Variants in PLA2G2F observed in about 807,000 individuals in gnomAD.
The protein encoded by PLA2G2F is phospholipase A2 group IIF.
In PLA2G2F, 17 loss-of-function variants were observed where a neutral mutation model predicts 15.9. The ratio of observed to expected loss-of-function variants is 1.07; its 90% CI spans 0.73 to 1.60. The LOEUF is 1.60. Among genes scored for constraint, PLA2G2F ranks in the 40% most tolerant of loss-of-function variants. The pLI, the probability that PLA2G2F is intolerant of heterozygous loss-of-function variation, is 0.00. For missense variants in PLA2G2F, 299 were observed against 278.2 expected (o/e 1.07, Z -0.53); for synonymous variants, 119 against 106.5 (o/e 1.12, Z -0.72).
chr1:20,144,769 G>C (rs1233879601), intron 4 of PLA2G2F, 80 bp downstream of exon 4: 3 of 1,258,648 alleles, frequency 2.4e-6, no homozygotes, highest in Middle Eastern at 1.9e-4. Context: ...TGGTGGACAG[G>C]CTTGCCAGAT....
At chr1:20,143,206 C>T (rs977771846) in intron 2 of PLA2G2F, 6 of 487,472 alleles carry the variant, frequency 1.2e-5, no homozygotes, top group Non-Finnish European at 7.3e-6. Context: ...GGATGACCTG[C>T]GTTGTTTTCT....
chr1:20,147,145 C>T (rs895057674), intron 4 of PLA2G2F, among the ~76,000 whole-genome samples: 1 of 152,074 alleles, frequency 6.6e-6, no homozygotes, highest in Non-Finnish European at 1.5e-5. Flanking sequence ...AAGGGTAGCC[C>T]CTGAACCAGC....
At position 20,148,563 on chromosome 1, in the gene PLA2G2F, C is replaced by A. The variant is rs984454568; in HGVS notation, c.*162C>A. 46 of 632,310 alleles carry A rather than the reference C, an allele frequency of 7.3e-5. No homozygotes were observed. Among genetic ancestry groups the A allele is most frequent in the Non-Finnish European group, 8.2e-6 (3 of 365,080 alleles). 39.2% of individuals were successfully genotyped at this position (632,310 alleles called of 1,614,324 possible). A position where few individuals can be genotyped will look rare whatever the true frequency, so the allele number is the denominator to read the frequency against. On this transcript the variant is annotated 3_prime_UTR_variant, in exon 5 of 5. Transcript: ENST00000375102. Reference sequence around the variant, plus strand: ...CAGCTCTCAGAGGACTCAGGAAGGCCTGGGTCCTGACTCCCCCAGCCCAGC... The same window carrying A: ...CAGCTCTCAGAGGACTCAGGAAGGCATGGGTCCTGACTCCCCCAGCCCAGC...
chr1:20,140,312 C>T, intron 2 of PLA2G2F, 94 bp downstream of exon 2: 1 of 1,352,810 alleles, frequency 7.4e-7, no homozygotes, highest in African/African-American at 1.4e-5. Context: ...CACTGACCAG[C>T]CTAGGTTCCT....
intron 3 of PLA2G2F, among the ~76,000 whole-genome samples, 170 bp from the exon 4 acceptor site, chr1:20,144,410 C>T (rs923826909): frequency 2.0e-5 from 3 of 152,174 alleles, no homozygotes; most frequent in Non-Finnish European, 4.4e-5. Flanking sequence ...CCTGGGGTGC[C>T]GGCCCCAGCT....
At chr1:20,146,424 G>A (rs139447158) in intron 4 of PLA2G2F, among the ~76,000 whole-genome samples, 1,591 of 152,312 alleles carry the variant, frequency 0.01, 27 homozygotes, top group African/African-American at 0.036. Context: ...CTGGCCTGGC[G>A]GGTTCCTTCA....
intron 3 of PLA2G2F, 61 bp downstream of exon 3, chr1:20,143,651 T>A: frequency 1.9e-6 from 3 of 1,581,608 alleles, no homozygotes; most frequent in Non-Finnish European, 2.6e-6. Context: ...AAGGTCAGAC[T>A]GACCTTGCCC....
At chr1:20,145,056 GGAGACAGAGTGAGA>G (rs2017560016) in intron 4 of PLA2G2F, among the ~76,000 whole-genome samples, 2 of 151,926 alleles carry the variant, frequency 1.3e-5, no homozygotes, top group Admixed American at 1.3e-4. Context: ...TTCCAGCCTG[GGAGACAGAGTGAGA>G]CTCTGTCTCG....
Position 20,143,568 on chromosome 1 carries a change from C to T in PLA2G2F, c.292C>T (p.Gln98Ter), listed in dbSNP as rs1251196028. ...CTACTGTGGGCTGGGGGGCCGTGGC[C>T]AGCCCAAGGATGAGGTGGACTGGTA... ...GCYCGLGGRGQPKDEVDWCCH... is the reference protein window; with the variant it reads ...GCYCGLGGRG The change falls in exon 3 of 5, where the codon CAG (glutamine) becomes TAG (stop). Residue 98 changes from glutamine (Q) to a stop codon, truncating the protein, a stop_gained. Coordinates refer to ENST00000375102, the MANE Select transcript of PLA2G2F (RefSeq NM_022819.4). LOFTEE classifies it high-confidence loss of function. The T allele has an allele frequency of 1.2e-6, 2 of 1,613,940 alleles. No individual in the cohort carries two copies. Among genetic ancestry groups the T allele is most frequent in the East Asian group, 2.2e-5 (1 of 44,864 alleles).
chr1:20,142,276 G>A (rs1028837982), intron 2 of PLA2G2F: 1 of 152,434 alleles, frequency 6.6e-6, no homozygotes, highest in Admixed American at 6.5e-5. Context: ...TAGCTTCCCA[G>A]CTCCGCAGTA....
At chr1:20,147,612 C>T (rs2017639242) in intron 4 of PLA2G2F, among the ~76,000 whole-genome samples, 2 of 152,124 alleles carry the variant, frequency 1.3e-5, no homozygotes, top group Admixed American at 1.3e-4. Flanking sequence ...CCACGCCTGG[C>T]TAATTTTTTG....
chr1:20,142,675 C>A (rs1348773710), intron 2 of PLA2G2F: 2 of 152,204 alleles, frequency 1.3e-5, no homozygotes, highest in Non-Finnish European at 2.9e-5. Flanking sequence ...TGTGGGGAGA[C>A]TGTTTTCCTT....
intron 2 of PLA2G2F, 157 bp downstream of exon 2, chr1:20,140,375 T>G: frequency 1.3e-6 from 1 of 749,916 alleles, no homozygotes; most frequent in South Asian, 1.9e-5. Flanking sequence ...TGCACCCAAT[T>G]CTGGGGCTGT....
chr1:20,142,192 C>T (rs1200687721), intron 2 of PLA2G2F: 1 of 152,444 alleles, frequency 6.6e-6, no homozygotes, highest in East Asian at 1.9e-4. Flanking sequence ...CTGAGCTAGG[C>T]CCCTCACGCT....
Position 20,149,591 on chromosome 1 carries a change from A to G in PLA2G2F, c.*1190A>G, listed in dbSNP as rs2100699320. On this transcript the variant is annotated 3_prime_UTR_variant, in exon 5 of 5. Coordinates refer to ENST00000375102, the MANE Select transcript of PLA2G2F (RefSeq NM_022819.4). The stretch of plus-strand genomic sequence containing the variant: ...TGGAAGCTTCTAGAAGGCAGTAAGG[A>G]ACAGGGTGGTGAAGGAGAGGGGAGA... 1 of 152,826 alleles carries G rather than the reference A, an allele frequency of 6.5e-6. No individual in the cohort carries two copies. The highest frequency in any genetic ancestry group is 3.3e-3 in the Middle Eastern group (1 of 300). 9.5% of individuals were successfully genotyped at this position (152,826 alleles called of 1,614,324 possible). A position where few individuals can be genotyped will look rare whatever the true frequency, so the allele number is the denominator to read the frequency against.
chr1:20,143,177 T>C (rs2017510631), intron 2 of PLA2G2F: 2 of 418,320 alleles, frequency 4.8e-6, no homozygotes, highest in South Asian at 4.0e-5. Context: ...GTACCTGGCA[T>C]GGAGCAAGTC....
intron 4 of PLA2G2F, among the ~76,000 whole-genome samples, chr1:20,146,486 G>T (rs1047315108): frequency 6.6e-6 from 1 of 152,144 alleles, no homozygotes; most frequent in Admixed American, 6.5e-5. Context: ...GTAGGTAAGC[G>T]CAAGTGGCAT....
chr1:20,139,394 A>G lies in PLA2G2F; in HGVS notation c.-34A>G, dbSNP rs762313073. On this transcript the variant is annotated 5_prime_UTR_variant, in exon 1 of 5. Coordinates refer to ENST00000375102, the MANE Select transcript of PLA2G2F (RefSeq NM_022819.4). ...TCTGGAGCGCATCTCAGACCTTCTG[A>G]GACCTATGTTGCTGGCCCCCCAGAA... 2 of 1,503,744 alleles carry G rather than the reference A, an allele frequency of 1.3e-6. No homozygotes were observed. The highest frequency in any genetic ancestry group is 1.8e-6 in the Non-Finnish European group (2 of 1,103,526). The allele number at this position is 1,503,744 out of a possible 1,614,324, so 93.2% of individuals were successfully genotyped here. A position where few individuals can be genotyped will look rare whatever the true frequency, so the allele number is the denominator to read the frequency against.
In PLA2G2F at chr1:20,148,210, T is replaced by C. The variant is rs769152426; in HGVS notation, c.445T>C (p.Cys149Arg). The change falls in exon 5 of 5, where the codon TGT becomes CGT. Residue 149 changes from cysteine (C) to arginine (R), a missense_variant. By Grantham distance (180) the Cys-to-Arg change is radical. Coordinates refer to ENST00000375102, the MANE Select transcript of PLA2G2F (RefSeq NM_022819.4). ...IVCSDLNKTE[C>R]DKQTCMCDKN... ...TGTAGGTGACCTCAACAAGACAGAG[T>C]GTGACAAGCAGACATGCATGTGTGA... 2 of 1,613,294 alleles carry C rather than the reference T, an allele frequency of 1.2e-6. No homozygotes were observed. The highest frequency in any genetic ancestry group is 1.1e-5 in the South Asian group (1 of 91,016).
Sources: gnomAD v4.1 joint callset for allele counts (sites outside exome capture counted in the v4.1 genomes callset) on GRCh38, gnomAD v4.1.1 for gene constraint, MANE v1.5 for transcripts, NCBI Gene and HGNC (gene_info 2026-07-23, HGNC 2026-07-21) for gene names.